The following PTPRZ1 variants were observed in gnomAD, a reference collection of about 807,000 sequenced individuals.
The protein encoded by PTPRZ1 is receptor-type tyrosine-protein phosphatase zeta.
PTPRZ1 carries 82 observed loss-of-function variants against 214.1 expected under a neutral mutation model. That is an observed-to-expected ratio of 0.38 (90% CI 0.32 to 0.46). The LOEUF is 0.46. Among genes scored for constraint, PTPRZ1 ranks in the 20% least tolerant of loss-of-function variants. The pLI is 1.00. For synonymous variants in PTPRZ1, 945 were observed against 987.9 expected (o/e 0.96, Z 0.81); for missense variants, 2,603 against 2,748.7 (o/e 0.95, Z 1.19).
intron 12 of PTPRZ1, among the ~76,000 whole-genome samples, chr7:122,014,436 A>T (rs572735849): frequency 7.6e-4 from 115 of 151,814 alleles, no homozygotes; most frequent in Admixed American, 1.8e-3. Context: ...TTATTATTTA[A>T]TTAATTAATT....
intron 2 of PTPRZ1, among the ~76,000 whole-genome samples, chr7:121,946,754 A>C (rs1383528702): frequency 2.0e-5 from 3 of 152,232 alleles, no homozygotes; most frequent in Admixed American, 6.5e-5. Flanking sequence ...AACGTCAGCA[A>C]AAATTACCTT....
chr7:122,017,153 C>A (rs1798866189), intron 12 of PTPRZ1, among the ~76,000 whole-genome samples: 1 of 152,096 alleles, frequency 6.6e-6, no homozygotes, highest in Non-Finnish European at 1.5e-5. Flanking sequence ...CACTTACTTT[C>A]CATCTAGGTA....
At chr7:121,926,098 T>A (rs1396118705) in intron 1 of PTPRZ1, among the ~76,000 whole-genome samples, 1 of 151,902 alleles carries the variant, frequency 6.6e-6, no homozygotes, top group Non-Finnish European at 1.5e-5. Context: ...AGGTCTGGAG[T>A]TCGAGACCAG....
Position 122,011,868 on chromosome 7 carries a change from C to A in PTPRZ1, c.2822C>A (p.Thr941Asn), listed in dbSNP as rs367675735. ...SDNEGSQHIF[T>N]VSYSSAIPVH... ...AATGAGGGCTCCCAACACATCTTCA[C>A]TGTTTCTTACAGTTCTGCAATACCT... Residue 941 changes from threonine to asparagine, a missense_variant, in exon 12 of 30, where the codon ACT becomes AAT. Thr to Asn is a moderately conservative substitution (Grantham distance 65, BLOSUM62 0). This residue lies in a region of PTPRZ1 where 1,913 missense variants were observed against 1,914.3 expected (regional missense o/e 1.00). Coordinates refer to ENST00000393386, the MANE Select transcript of PTPRZ1 (RefSeq NM_002851.3). 6.8e-6 allele frequency: 11 copies of A among 1,613,922 alleles called. No individual in the cohort carries two copies. In the African/African-American group the frequency reaches 1.5e-4, roughly 22 times the overall value.
intron 19 of PTPRZ1, 129 bp from the exon 20 acceptor site, chr7:122,039,325 A>G: frequency 9.6e-7 from 1 of 1,042,934 alleles, no homozygotes; most frequent in East Asian, 2.7e-5. Context: ...ACTTATAAAG[A>G]AAATAAAACA....
intron 23 of PTPRZ1, among the ~76,000 whole-genome samples, chr7:122,049,091 A>T (rs1792092653): frequency 6.6e-6 from 1 of 152,144 alleles, no homozygotes; most frequent in Non-Finnish European, 1.5e-5. Flanking sequence ...AAGAAACATT[A>T]TGACCCTGTC....
At position 122,010,912 on chromosome 7, in the gene PTPRZ1, T is replaced by C. The variant is rs1391100863; in HGVS notation, c.1866T>C (p.Leu622=). 11 of 1,614,000 alleles carry C rather than the reference T, an allele frequency of 6.8e-6. No homozygotes were observed. Among genetic ancestry groups the C allele is most frequent in the Non-Finnish European group, 9.3e-6 (11 of 1,180,004 alleles). ...CAGAGACAATAACATATGATGTCCT[T>C]ATACCAGAATCTGCTAGAAATGCTT... ...ENPETITYDV[L]IPESARNASE... Residue 622 remains leucine (L), a synonymous_variant, in exon 12 of 30, where the codon CTT becomes CTC. Coordinates refer to ENST00000393386, the MANE Select transcript of PTPRZ1 (RefSeq NM_002851.3).
intron 1 of PTPRZ1, among the ~76,000 whole-genome samples, chr7:121,900,845 A>G (rs1343681474): frequency 6.6e-6 from 1 of 152,182 alleles, no homozygotes; most frequent in Non-Finnish European, 1.5e-5. Flanking sequence ...AAAGTCTAAT[A>G]ATAAGTATGA....
intron 6 of PTPRZ1, among the ~76,000 whole-genome samples, chr7:121,980,237 A>G (rs1018499172): frequency 6.6e-6 from 1 of 152,184 alleles, no homozygotes; most frequent in African/African-American, 2.4e-5. Flanking sequence ...CCTAATTAGT[A>G]TTCTCAACAC....
chr7:121,922,635 A>C (rs1054634497), intron 1 of PTPRZ1, among the ~76,000 whole-genome samples: 8 of 152,182 alleles, frequency 5.3e-5, no homozygotes, highest in African/African-American at 1.7e-4. Context: ...TTCTCAGAGA[A>C]AAGACTTATT....
chr7:121,908,389 C>G, intron 1 of PTPRZ1: 1 of 357,634 alleles, frequency 2.8e-6, no homozygotes, highest in Non-Finnish European at 5.3e-6. Context: ...TATACATCAT[C>G]TGTATTTCTT....
chr7:121,873,556 G>T lies in PTPRZ1; in HGVS notation c.57G>T (p.Leu19=), dbSNP rs762065718. 5.6e-6 allele frequency: 9 copies of T among 1,613,688 alleles called. No individual in the cohort carries two copies. Among genetic ancestry groups the T allele is most frequent in the Non-Finnish European group, 7.6e-6 (9 of 1,180,012 alleles). Residue 19 remains leucine (L), a splice_region_variant and synonymous_variant, in exon 1 of 30, where the codon CTG becomes CTT. Coordinates refer to ENST00000393386, the MANE Select transcript of PTPRZ1 (RefSeq NM_002851.3). ...ACIQLLCVCR[L]DWANGYYRQQ... is the part of the protein sequence containing the mutation. ...TTCAGCTCCTCTGTGTTTGCCGCCT[G>T]GGTGAGTGAGAAGAGCTCGGTGGGG...
At chr7:121,918,042 G>A (rs1206495) in intron 1 of PTPRZ1, among the ~76,000 whole-genome samples, 29,990 of 151,010 alleles carry the variant, frequency 0.2, 3,331 homozygotes, top group African/African-American at 0.26. Flanking sequence ...TTTCTAGACC[G>A]GCTAAAAAAA....
At chr7:121,941,345 T>G (rs1365886126) in intron 2 of PTPRZ1, among the ~76,000 whole-genome samples, 1 of 152,250 alleles carries the variant, frequency 6.6e-6, no homozygotes, top group African/African-American at 2.4e-5. Context: ...TTTGTTTGTT[T>G]GTTTTTGTGT....
chr7:121,960,371 C>T (rs1796838561), intron 2 of PTPRZ1, among the ~76,000 whole-genome samples: 2 of 152,082 alleles, frequency 1.3e-5, no homozygotes, highest in Non-Finnish European at 2.9e-5. Context: ...ACCTCAAAAC[C>T]TGGACTACAC....
At chr7:121,897,125 T>C (rs1359364574) in intron 1 of PTPRZ1, among the ~76,000 whole-genome samples, 1 of 152,238 alleles carries the variant, frequency 6.6e-6, no homozygotes, top group African/African-American at 2.4e-5. Context: ...CATATAATCT[T>C]TATAATGCAA....
intron 1 of PTPRZ1, among the ~76,000 whole-genome samples, chr7:121,892,820 A>G (rs1001991390): frequency 7.3e-5 from 11 of 150,932 alleles, no homozygotes; most frequent in Admixed American, 2.0e-4. Flanking sequence ...AAGATAATAT[A>G]TCAAGACTTA....
intron 1 of PTPRZ1, among the ~76,000 whole-genome samples, chr7:121,913,138 G>A (rs1019669381): frequency 3.3e-5 from 5 of 152,182 alleles, no homozygotes; most frequent in Admixed American, 2.6e-4. Flanking sequence ...GAGAAAGACC[G>A]TAAAAGTTAA....
intron 8 of PTPRZ1, among the ~76,000 whole-genome samples, chr7:121,990,137 T>A (rs1291654859): frequency 6.6e-6 from 1 of 152,192 alleles, no homozygotes; most frequent in East Asian, 1.9e-4. Flanking sequence ...ATATCTAACA[T>A]CCTCATTTTG....
Sources: gnomAD v4.1 joint callset for allele counts (sites outside exome capture counted in the v4.1 genomes callset) on GRCh38, gnomAD v4.1.1 for gene constraint, gnomAD v4.1.1 regional missense constraint, MANE v1.5 for transcripts, NCBI Gene and HGNC (gene_info 2026-07-23, HGNC 2026-07-21) for gene names.